Variants in APCDD1 observed in about 807,000 individuals in gnomAD.
APCDD1 encodes protein APCDD1.
A neutral mutation model predicts 38.1 loss-of-function variants in APCDD1; 15 were observed. The ratio of observed to expected loss-of-function variants is 0.39; its 90% CI spans 0.26 to 0.61. The LOEUF (loss-of-function observed/expected upper bound fraction) is 0.61, where lower values mean the gene tolerates loss of function less well. APCDD1 is among the 20% of genes least tolerant of loss of function. APCDD1 has a pLI of 0.49. For synonymous variants in APCDD1, 261 were observed against 279.7 expected, an observed-to-expected ratio of 0.93 and a Z score of 0.67; for missense variants, 647 against 696.2, an observed-to-expected ratio of 0.93 and a Z score of 0.79.
At chr18:10,461,300 C>A (rs141076317) in intron 1 of APCDD1, among the ~76,000 whole-genome samples, 452 of 152,228 alleles carry the variant, frequency 3.0e-3, no homozygotes, top group African/African-American at 0.011. Context: ...AACAGATGAA[C>A]CATTCCTTCC....
chr18:10,465,604 A>G (rs962174449), intron 1 of APCDD1, among the ~76,000 whole-genome samples: 1 of 152,222 alleles, frequency 6.6e-6, no homozygotes, highest in African/African-American at 2.4e-5. Flanking sequence ...AAAAAATATA[A>G]GGCATTGTTT....
At chr18:10,468,749 AC>A in intron 2 of APCDD1, 97 bp downstream of exon 2, 8 of 1,287,578 alleles carry the variant, frequency 6.2e-6, no homozygotes, top group Non-Finnish European at 7.8e-6. Flanking sequence ...TATATCATTT[AC>A]AATGATTTAG....
chr18:10,455,133 C>T, intron 1 of APCDD1, 94 bp downstream of exon 1: 2 of 1,520,642 alleles, frequency 1.3e-6, no homozygotes, highest in South Asian at 1.2e-5. Flanking sequence ...GATCGCGGCA[C>T]GGCCTACACT....
intron 1 of APCDD1, among the ~76,000 whole-genome samples, chr18:10,468,158 A>G (rs1395736937): frequency 6.6e-6 from 1 of 152,106 alleles, no homozygotes; most frequent in African/African-American, 2.4e-5. Flanking sequence ...CAGATGCACA[A>G]CCTTCATTGT....
rs1428220332 is a variant in APCDD1 at position 10,476,245 on chromosome 18, C to A, written c.774+4184C>A. 6.6e-6 allele frequency: 1 copy of A among 152,232 alleles called. No homozygotes were observed. Among genetic ancestry groups the A allele is most frequent in the Admixed American group, 6.5e-5 (1 of 15,288 alleles). 9.4% of individuals were successfully genotyped at this position (152,232 alleles called of 1,614,324 possible). On this transcript the variant is annotated intron_variant, in intron 3 of 4. Transcript: ENST00000355285. The surrounding 1 kb of genome is among the most constrained non-coding windows in gnomAD (Gnocchi z 5.8). Reference sequence around the variant, plus strand: ...CCACGAGCCTCAGCCCCTCTAGAAACAGGACACCGTGTAAAAATAGAAACT... The same window carrying A: ...CCACGAGCCTCAGCCCCTCTAGAAAAAGGACACCGTGTAAAAATAGAAACT...
intron 1 of APCDD1, among the ~76,000 whole-genome samples, chr18:10,459,312 G>A (rs1031623257): frequency 2.0e-5 from 2 of 101,968 alleles, no homozygotes; most frequent in African/African-American, 5.6e-5. Context: ...AATCCCACAA[G>A]CGTGCACACA....
Position 10,467,749 on chromosome 18 carries a change from G to A in APCDD1, c.59-720G>A, listed in dbSNP as rs2143527146. ...GCTGGACTTGGAAGATAATTGGGGG[G>A]GAAATGTCACACCACGTCCCTATTG... On this transcript the variant is annotated intron_variant, in intron 1 of 4. Coordinates refer to ENST00000355285, the MANE Select transcript of APCDD1 (RefSeq NM_153000.5). The surrounding 1 kb of genome is among the most constrained non-coding windows in gnomAD (Gnocchi z 4.8). Among the ~76,000 whole-genome samples, 1 of 152,236 alleles carries A rather than the reference G, an allele frequency of 6.6e-6. No homozygotes were observed. Among genetic ancestry groups the A allele is most frequent in the East Asian group, 1.9e-4 (1 of 5,170 alleles).
chr18:10,485,482 C>T lies in APCDD1; in HGVS notation c.795C>T (p.Ile265=), dbSNP rs1357304925. 5.0e-6 allele frequency: 8 copies of T among 1,614,088 alleles called. No homozygotes were observed. In the East Asian group the frequency reaches 1.1e-4, roughly 22 times the overall value. The change falls in exon 4 of 5, where the codon ATC becomes ATT. Residue 265 remains isoleucine (I), a synonymous_variant. Coordinates refer to ENST00000355285, the MANE Select transcript of APCDD1 (RefSeq NM_153000.5). This position sits in a 1 kb window ranked among gnomAD's most constrained non-coding sequence, Gnocchi z 5.8. ...QNAKNHDHAC[I]ACRIIYRSDE... ...TTCAGAACCACGACCATGCCTGCAT[C>T]GCCTGTCGGATCATCTATCGGTCAG...
At chr18:10,487,558 G>A in intron 4 of APCDD1, 32 bp from the exon 5 acceptor site, 1 of 1,609,478 alleles carries the variant, frequency 6.2e-7, no homozygotes, top group Non-Finnish European at 8.5e-7. Context: ...CCTACTCCCT[G>A]GAGTCATGGA....
At chr18:10,462,153 A>G (rs1422041086) in intron 1 of APCDD1, among the ~76,000 whole-genome samples, 1 of 151,822 alleles carries the variant, frequency 6.6e-6, no homozygotes, top group Non-Finnish European at 1.5e-5. Context: ...AAGTAATCCA[A>G]TTAAGTGGGG....
intron 3 of APCDD1, chr18:10,477,475 A>G (rs1036634391): frequency 6.6e-6 from 1 of 152,216 alleles, no homozygotes; most frequent in Non-Finnish European, 1.5e-5. Context: ...AGACACTTCT[A>G]TTGCAGAAAC....
intron 3 of APCDD1, among the ~76,000 whole-genome samples, chr18:10,483,415 C>T (rs1323709549): frequency 6.6e-6 from 1 of 152,218 alleles, no homozygotes; most frequent in African/African-American, 2.4e-5. Flanking sequence ...GCTCTTTGAT[C>T]CAATTGTCTA....
intron 3 of APCDD1, among the ~76,000 whole-genome samples, chr18:10,479,822 C>G (rs2031092736): frequency 6.6e-6 from 1 of 152,178 alleles, no homozygotes; most frequent in Non-Finnish European, 1.5e-5. Flanking sequence ...AGCTATTTAA[C>G]TTGTTACCTG....
Position 10,469,137 on chromosome 18 carries a change from A to G in APCDD1, c.242+485A>G, listed in dbSNP as rs1483762552. Among the ~76,000 whole-genome samples the G allele has an allele frequency of 6.6e-6, 1 of 152,216 alleles. No individual in the cohort carries two copies. Among genetic ancestry groups the G allele is most frequent in the African/African-American group, 2.4e-5 (1 of 41,460 alleles). Reference sequence around the variant, plus strand: ...TCTTGGATTCTTTTCCATGCTATGAAGCTGAGATTTATCCCAGTTTGAGCT... The same window carrying G: ...TCTTGGATTCTTTTCCATGCTATGAGGCTGAGATTTATCCCAGTTTGAGCT... On this transcript the variant is annotated intron_variant, in intron 2 of 4. Coordinates refer to ENST00000355285, the MANE Select transcript of APCDD1 (RefSeq NM_153000.5). This position sits in a 1 kb window ranked among gnomAD's most constrained non-coding sequence, Gnocchi z 5.5.
In APCDD1 at chr18:10,488,110, A is replaced by G. The variant is rs1468029364; in HGVS notation, c.*72A>G. The G allele has an allele frequency of 1.3e-6, 2 of 1,570,854 alleles. No individual in the cohort carries two copies. The highest frequency in any genetic ancestry group is 1.4e-5 in the African/African-American group (1 of 74,056). On this transcript the variant is annotated 3_prime_UTR_variant, in exon 5 of 5. Coordinates refer to ENST00000355285, the MANE Select transcript of APCDD1 (RefSeq NM_153000.5). ...GACAGATTTGCTTTACCAAAAGAAA[A>G]GACATTTATTCTTTTGATGCACTTG...
In APCDD1 at chr18:10,485,389, T is replaced by A; in HGVS notation, c.775-73T>A. 1.3e-6 allele frequency: 2 copies of A among 1,552,120 alleles called. No homozygotes were observed. Among genetic ancestry groups the A allele is most frequent in the Non-Finnish European group, 1.8e-6 (2 of 1,132,582 alleles). ...GATCTGGTGCCTGGTGAGACCCCATTTGCCGGAAGCATGTGTGCACTGCTC... is the reference window on the plus strand; with the variant it reads ...GATCTGGTGCCTGGTGAGACCCCATATGCCGGAAGCATGTGTGCACTGCTC... On this transcript the variant is annotated intron_variant, in intron 3 of 4. Coordinates refer to ENST00000355285, the MANE Select transcript of APCDD1 (RefSeq NM_153000.5). This position sits in a 1 kb window ranked among gnomAD's most constrained non-coding sequence, Gnocchi z 5.8.
intron 1 of APCDD1, among the ~76,000 whole-genome samples, chr18:10,465,997 G>A (rs941999281): frequency 1.3e-5 from 2 of 152,144 alleles, no homozygotes; most frequent in Non-Finnish European, 2.9e-5. Context: ...GGGTGTAGAG[G>A]TTTACAAATC....
At chr18:10,484,031 C>T (rs1227702958) in intron 3 of APCDD1, among the ~76,000 whole-genome samples, 2 of 152,344 alleles carry the variant, frequency 1.3e-5, no homozygotes, top group East Asian at 1.9e-4. Context: ...GACGTGTGCA[C>T]CTCTCACCAG....
At chr18:10,464,248 T>C (rs1175094936) in intron 1 of APCDD1, among the ~76,000 whole-genome samples, 1 of 151,592 alleles carries the variant, frequency 6.6e-6, no homozygotes, top group East Asian at 1.9e-4. Flanking sequence ...CAGAACCTCC[T>C]TCATCATTTT....
Sources: allele counts gnomAD v4.1 joint callset (sites outside exome capture counted in the v4.1 genomes callset), GRCh38; gene constraint gnomAD v4.1.1; non-coding constraint Gnocchi (gnomAD v3.1); transcripts MANE v1.5; gene names NCBI Gene and HGNC (gene_info 2026-07-23, HGNC 2026-07-21).